The following LONP2 variants were observed in gnomAD, a reference collection of about 807,000 sequenced individuals.
LONP2 encodes lon protease homolog 2, peroxisomal.
LONP2 carries 60 observed loss-of-function variants against 85.6 expected under a neutral mutation model. The observed-to-expected ratio is 0.70, with a 90% CI of 0.57 to 0.87. The LOEUF (loss-of-function observed/expected upper bound fraction) is 0.87. LONP2 is among the 40% of genes least tolerant of loss of function. The pLI, the probability that LONP2 is intolerant of heterozygous loss-of-function variation, is 0.00. For missense variants in LONP2, 860 were observed against 1,063.5 expected (o/e 0.81, Z 2.66); for synonymous variants, 395 against 389.7 (o/e 1.01, Z -0.16).
chr16:48,362,132 T>C, downstream of LONP2: 4 of 1,614,180 alleles, frequency 2.5e-6, no homozygotes, highest in Non-Finnish European at 3.4e-6. This position sits in a 1 kb window ranked among gnomAD's most constrained non-coding sequence, Gnocchi z 4.2. Flanking sequence ...AAGACGCATA[T>C]TTACAGGGGA....
Position 48,356,512 on chromosome 16 carries a change from T to TAAAAAAAAAAAAAAAAAAAAAAAAAAAAA in LONP2, c.*4731_*4732insAAAAAAAAAAAAAAAAAAAAAAAAAAAAA, listed in dbSNP as rs535516550. ...TGCCATGAAAATTGTATCCAGCAGCTAAAAAAAAAAAAAAAAAAAAAGACT... is the reference window on the plus strand; with the variant it reads ...TGCCATGAAAATTGTATCCAGCAGCTAAAAAAAAAAAAAAAAAAAAAAAAAAAAAAAAAAAAAAAAAAAAAAAAAAGACT... On this transcript the variant is annotated 3_prime_UTR_variant, in exon 15 of 15. Coordinates refer to ENST00000285737, the MANE Select transcript of LONP2 (RefSeq NM_031490.5). The TAAAAAAAAAAAAAAAAAAAAAAAAAAAAA allele has an allele frequency of 1.2e-5, 1 of 81,998 alleles. No homozygotes were observed. Among genetic ancestry groups the TAAAAAAAAAAAAAAAAAAAAAAAAAAAAA allele is most frequent in the African/African-American group, 4.0e-5 (1 of 25,106 alleles). The allele number at this position is 81,998 out of a possible 1,614,324, so 5.1% of individuals were successfully genotyped here.
Position 48,256,729 on chromosome 16 carries a change from A to G in LONP2, c.588A>G (p.Lys196=). The G allele has an allele frequency of 6.2e-7, 1 of 1,613,936 alleles. No homozygotes were observed. The highest frequency in any genetic ancestry group is 8.5e-7 in the Non-Finnish European group (1 of 1,179,916). ...ILTSIIRTSN[K]EKLQILDAVS... ...CATCAATTATCCGAACAAGCAACAA[A>G]GAGAAACTCCAGGTACAGTGTTCCC... The change falls in exon 3 of 15, where the codon AAA becomes AAG. Residue 196 remains lysine, a synonymous_variant. Coordinates refer to ENST00000285737, the MANE Select transcript of LONP2 (RefSeq NM_031490.5).
intron 3 of LONP2, among the ~76,000 whole-genome samples, chr16:48,257,880 C>A (rs1002325553): frequency 6.6e-6 from 1 of 152,202 alleles, no homozygotes; most frequent in East Asian, 1.9e-4. Flanking sequence ...TGTGCTCCGA[C>A]AAATCACTAG....
At chr16:48,314,159 T>C (rs938825864) in intron 11 of LONP2, among the ~76,000 whole-genome samples, 1 of 152,004 alleles carries the variant, frequency 6.6e-6, no homozygotes, top group Admixed American at 6.6e-5. Flanking sequence ...GGTTGTTTTT[T>C]TTTTTCCTTG....
intron 8 of LONP2, among the ~76,000 whole-genome samples, chr16:48,293,394 C>T (rs1180765919): frequency 6.6e-6 from 1 of 151,846 alleles, no homozygotes; most frequent in African/African-American, 2.4e-5. Flanking sequence ...CGCCACTGCA[C>T]TCTAGCCTGG....
At chr16:48,277,049 A>T (rs1972223162) in intron 7 of LONP2, among the ~76,000 whole-genome samples, 1 of 152,184 alleles carries the variant, frequency 6.6e-6, no homozygotes, top group Non-Finnish European at 1.5e-5. Context: ...TAAGAACCGT[A>T]ACTGGTGACT....
intron 11 of LONP2, among the ~76,000 whole-genome samples, chr16:48,309,294 G>A (rs896741372): frequency 4.6e-5 from 7 of 152,270 alleles, no homozygotes; most frequent in Middle Eastern, 3.4e-3. Flanking sequence ...CCACTACTGG[G>A]TATATACCCA....
intron 1 of LONP2, among the ~76,000 whole-genome samples, chr16:48,245,041 C>T (rs1260852190): frequency 6.6e-6 from 1 of 152,274 alleles, no homozygotes; most frequent in African/African-American, 2.4e-5. Context: ...CTATCCGCCT[C>T]CCCTTTTCTG....
At chr16:48,258,141 A>T (rs1971799406) in intron 3 of LONP2, among the ~76,000 whole-genome samples, 1 of 152,036 alleles carries the variant, frequency 6.6e-6, no homozygotes, top group South Asian at 2.1e-4. Context: ...AGGTCAGGAG[A>T]TCGAGACCAT....
intron 1 of LONP2, among the ~76,000 whole-genome samples, chr16:48,246,094 A>G (rs561496974): frequency 6.6e-6 from 1 of 152,322 alleles, no homozygotes; most frequent in Admixed American, 6.5e-5. Flanking sequence ...AGATTCTCAA[A>G]GGAGACTGGT....
At chr16:48,328,132 G>T (rs1182094506) in intron 11 of LONP2, among the ~76,000 whole-genome samples, 2 of 152,178 alleles carry the variant, frequency 1.3e-5, no homozygotes, top group Non-Finnish European at 2.9e-5. Flanking sequence ...TGAAAAAAAG[G>T]CCAGGTACAG....
intron 12 of LONP2, among the ~76,000 whole-genome samples, chr16:48,339,069 C>T (rs971458682): frequency 6.6e-6 from 1 of 151,910 alleles, no homozygotes; most frequent in African/African-American, 2.4e-5. Context: ...TTCACATCAC[C>T]TAAGAAAAAA....
chr16:48,329,737 A>C (rs1014223887), intron 11 of LONP2, among the ~76,000 whole-genome samples: 1 of 152,184 alleles, frequency 6.6e-6, no homozygotes, highest in African/African-American at 2.4e-5. Flanking sequence ...CCCTTTCCTC[A>C]GTTTAACGTT....
At chr16:48,277,871 A>T (rs76339076) in intron 8 of LONP2, among the ~76,000 whole-genome samples, 50 of 149,214 alleles carry the variant, frequency 3.4e-4, no homozygotes, top group Middle Eastern at 3.5e-3. Flanking sequence ...TCAAAATAGC[A>T]TGGCTATCTT....
intron 14 of LONP2, among the ~76,000 whole-genome samples, chr16:48,349,638 G>A (rs1597006111): frequency 1.3e-5 from 2 of 152,168 alleles, no homozygotes; most frequent in Admixed American, 1.3e-4. Context: ...TGTGAAAGCT[G>A]GAGAAAACCT....
chr16:48,267,456 C>T (rs1972013917), intron 6 of LONP2, among the ~76,000 whole-genome samples: 1 of 152,092 alleles, frequency 6.6e-6, no homozygotes, highest in Non-Finnish European at 1.5e-5. Context: ...CTTGCAACCA[C>T]ACCCAACTCA....
In LONP2 at chr16:48,351,731, G is replaced by A. The variant is rs767403467; in HGVS notation, c.2488G>A (p.Val830Ile). The change falls in exon 15 of 15, where the codon GTT (valine) becomes ATT (isoleucine). Residue 830 changes from valine to isoleucine, a missense_variant. Around this residue, in one of 3 missense-constraint regions of LONP2, gnomAD observed 115 missense variants for 129.0 expected, o/e 0.89. Transcript: ENST00000285737. Reference sequence around the variant, plus strand: ...TGTCACAGCAAGCTGCCTGGATGAGGTTCTTAATGCAGCTTTTGATGGTGG... The same window carrying A: ...TGTCACAGCAAGCTGCCTGGATGAGATTCTTAATGCAGCTTTTGATGGTGG... ...SFVTASCLDE[V>I]LNAAFDGGFT... The A allele has an allele frequency of 6.2e-7, 1 of 1,614,040 alleles. No individual in the cohort carries two copies. Among genetic ancestry groups the A allele is most frequent in the Non-Finnish European group, 8.5e-7 (1 of 1,180,036 alleles).
At chr16:48,303,053 C>G in intron 10 of LONP2, 119 bp from the exon 11 acceptor site, 1 of 1,051,516 alleles carries the variant, frequency 9.5e-7, no homozygotes, top group Non-Finnish European at 1.4e-6. Context: ...AGTTAGTACT[C>G]AAGAAAGGGT....
intron 10 of LONP2, among the ~76,000 whole-genome samples, chr16:48,302,586 A>G (rs9302757): frequency 0.21 from 31,768 of 152,202 alleles, 4,109 homozygotes; most frequent in African/African-American, 0.36. Flanking sequence ...CACACATAGC[A>G]TCTTTTTCAC....
Sources: allele counts gnomAD v4.1 joint callset (sites outside exome capture counted in the v4.1 genomes callset), GRCh38; gene constraint gnomAD v4.1.1; regional missense constraint gnomAD v4.1.1; non-coding constraint Gnocchi (gnomAD v3.1); transcripts MANE v1.5; gene names NCBI Gene and HGNC (gene_info 2026-07-23, HGNC 2026-07-21).